The following STEAP4 variants were observed in gnomAD, a reference collection of about 807,000 sequenced individuals.
STEAP4 encodes the protein metalloreductase STEAP4.
In STEAP4, 36 loss-of-function variants were observed where a neutral mutation model predicts 43.6. That is an observed-to-expected ratio of 0.83 (90% CI 0.63 to 1.09). STEAP4 has a LOEUF of 1.09. Ranked by LOEUF, STEAP4 falls within the 50% of genes least tolerant of loss-of-function variation. The pLI, the probability that STEAP4 is intolerant of heterozygous loss-of-function variation, is 0.00. For missense variants in STEAP4, 495 were observed against 546.5 expected, an observed-to-expected ratio of 0.91 and a Z score of 0.94; for synonymous variants, 191 against 196.7, an observed-to-expected ratio of 0.97 and a Z score of 0.24.
In STEAP4 at chr7:88,282,821, T is replaced by A; in HGVS notation, c.804A>T (p.Leu268=). ...GGTATTTTGTGCCTCGGTACAGTTGTAGAATGGCAGCAATAACACCAGGGA... is the reference window on the plus strand; with the variant it reads ...GGTATTTTGTGCCTCGGTACAGTTGAAGAATGGCAGCAATAACACCAGGGA... ...VYLPGVIAAI[L]QLYRGTKYRR... is the part of the protein sequence containing the mutation. Residue 268 remains leucine, a synonymous_variant, in exon 3 of 5, where the codon CTA becomes CTT. Transcript: ENST00000380079. The A allele has an allele frequency of 1.2e-6, 2 of 1,614,096 alleles. No individual in the cohort carries two copies. Among genetic ancestry groups the A allele is most frequent in the Non-Finnish European group, 1.7e-6 (2 of 1,180,012 alleles).
intron 3 of STEAP4, 135 bp downstream of exon 3, chr7:88,282,506 T>C (rs1429455525): frequency 2.2e-6 from 2 of 901,730 alleles, no homozygotes; most frequent in South Asian, 1.8e-5. Context: ...AAAACTGACA[T>C]GACATTTCTA....
At chr7:88,297,407 G>C (rs1307930510) in intron 1 of STEAP4, among the ~76,000 whole-genome samples, 1 of 152,168 alleles carries the variant, frequency 6.6e-6, no homozygotes, top group Non-Finnish European at 1.5e-5. Context: ...AGGAGACAGA[G>C]AGGGAGACTA....
chr7:88,274,309 G>C lies in STEAP4; in HGVS notation c.*5089C>G, dbSNP rs933273784. Reference sequence around the variant, plus strand: ...CACTCTGCTGTAAGTATCATTAAAAGCCTTCCAAAATTCCCTTACAGCAGA... The same window carrying C: ...CACTCTGCTGTAAGTATCATTAAAACCCTTCCAAAATTCCCTTACAGCAGA... On this transcript the variant is annotated 3_prime_UTR_variant, in exon 5 of 5. Transcript: ENST00000380079. 6.6e-6 allele frequency: 1 copy of C among 152,234 alleles called. No individual in the cohort carries two copies. Among genetic ancestry groups the C allele is most frequent in the South Asian group, 2.1e-4 (1 of 4,836 alleles). 9.4% of individuals were successfully genotyped at this position (152,234 alleles called of 1,614,324 possible). A position where few individuals can be genotyped will look rare whatever the true frequency, so the allele number is the denominator to read the frequency against.
intron 1 of STEAP4, among the ~76,000 whole-genome samples, chr7:88,297,157 A>T (rs986996725): frequency 5.9e-5 from 9 of 152,204 alleles, no homozygotes; most frequent in African/African-American, 1.4e-4. Flanking sequence ...TGTGTACCAC[A>T]TGCTATTCTA....
chr7:88,284,309 A>C, intron 1 of STEAP4, 38 bp from the exon 2 acceptor site: 2 of 1,386,366 alleles, frequency 1.4e-6, no homozygotes, highest in Non-Finnish European at 2.0e-6. Flanking sequence ...CAAAATATAA[A>C]TGCTCTGTGC....
chr7:88,298,687 T>C (rs967092364), intron 1 of STEAP4, among the ~76,000 whole-genome samples: 1 of 152,174 alleles, frequency 6.6e-6, no homozygotes, highest in African/African-American at 2.4e-5. Context: ...GCATGATAAA[T>C]CATCAACTTG....
chr7:88,291,774 G>C (rs1334368104), intron 1 of STEAP4, among the ~76,000 whole-genome samples: 5 of 152,168 alleles, frequency 3.3e-5, no homozygotes, highest in African/African-American at 1.2e-4. Context: ...GAGTTATTAA[G>C]GGAAACGTGG....
At chr7:88,279,692 A>G in intron 4 of STEAP4, 64 bp from the exon 5 acceptor site, 1 of 1,308,446 alleles carries the variant, frequency 7.6e-7, no homozygotes, top group Non-Finnish European at 1.1e-6. Context: ...AAACACTCTA[A>G]GCCAGTGACA....
At position 88,271,917 on chromosome 7, in the gene STEAP4, T is replaced by G. The variant is rs1852442762; in HGVS notation, c.*7481A>C. 6.6e-6 allele frequency: 1 copy of G among 152,250 alleles called. No individual in the cohort carries two copies. The highest frequency in any genetic ancestry group is 6.5e-5 in the Admixed American group (1 of 15,284). The allele number at this position is 152,250 out of a possible 1,614,324, so 9.4% of individuals were successfully genotyped here. A position where few individuals can be genotyped will look rare whatever the true frequency, so the allele number is the denominator to read the frequency against. On this transcript the variant is annotated 3_prime_UTR_variant, in exon 5 of 5. Coordinates refer to ENST00000380079, the MANE Select transcript of STEAP4 (RefSeq NM_024636.4). Reference sequence around the variant, plus strand: ...GTTACAATTTTCATGCGTCTCATTATGAATGAAGTAGAATATATTTTCATA... The same window carrying G: ...GTTACAATTTTCATGCGTCTCATTAGGAATGAAGTAGAATATATTTTCATA...
chr7:88,286,391 C>T (rs1563498973), intron 1 of STEAP4, among the ~76,000 whole-genome samples: 1 of 152,008 alleles, frequency 6.6e-6, no homozygotes, highest in East Asian at 1.9e-4. Context: ...GATTTTAATA[C>T]ATTAAATAAG....
chr7:88,306,167 C>CCT (rs367577865), intron 1 of STEAP4, among the ~76,000 whole-genome samples: 32 of 152,324 alleles, frequency 2.1e-4, no homozygotes, highest in African/African-American at 7.5e-4. Flanking sequence ...CCGTACCCAG[C>CCT]CTCAGTACAC....
At chr7:88,280,891 T>C (rs1852606506) in intron 4 of STEAP4, 24 bp downstream of exon 4, 1 of 1,523,488 alleles carries the variant, frequency 6.6e-7, no homozygotes, top group South Asian at 1.3e-5. Flanking sequence ...AATGAAAAGT[T>C]AGGAATGAAC....
rs1258828544 is a variant in STEAP4, at chr7:88,297,111, A to G, written c.-3+9681T>C. Among the ~76,000 whole-genome samples, 5 of 152,202 alleles carry G rather than the reference A, an allele frequency of 3.3e-5. No homozygotes were observed. In the East Asian group the frequency reaches 9.6e-4, roughly 29 times the overall value. On this transcript the variant is annotated intron_variant, in intron 1 of 4. Coordinates refer to ENST00000380079, the MANE Select transcript of STEAP4 (RefSeq NM_024636.4). ...ATTCTTTCTTTTAATATACACATTA[A>G]CACCTTCCTTCATCAGATATTTATT... is the stretch of plus-strand genomic sequence containing the variant.
chr7:88,301,291 T>G (rs538201579), intron 1 of STEAP4, among the ~76,000 whole-genome samples: 2 of 152,332 alleles, frequency 1.3e-5, no homozygotes, highest in Admixed American at 1.3e-4. Context: ...CATATCATTC[T>G]TAGACAGGGT....
intron 1 of STEAP4, chr7:88,304,192 G>C (rs911865170): frequency 3.9e-5 from 6 of 152,188 alleles, no homozygotes; most frequent in South Asian, 2.1e-4. Context: ...TTGTGGGATG[G>C]GGGGAGTGGG....
chr7:88,305,814 A>G (rs893094059), intron 1 of STEAP4, among the ~76,000 whole-genome samples: 2 of 152,206 alleles, frequency 1.3e-5, no homozygotes, highest in East Asian at 3.8e-4. Context: ...CATCTGGCCC[A>G]GTAGCCAGCC....
At position 88,274,328 on chromosome 7, in the gene STEAP4, C is replaced by A. The variant is rs1446522324; in HGVS notation, c.*5070G>T. On this transcript the variant is annotated 3_prime_UTR_variant, in exon 5 of 5. Transcript: ENST00000380079. Reference sequence around the variant, plus strand: ...TTAAAAGCCTTCCAAAATTCCCTTACAGCAGAAAGCAAGTAGTACTGGATC... The same window carrying A: ...TTAAAAGCCTTCCAAAATTCCCTTAAAGCAGAAAGCAAGTAGTACTGGATC... 6.6e-6 allele frequency: 1 copy of A among 152,248 alleles called. No individual in the cohort carries two copies. Among genetic ancestry groups the A allele is most frequent in the Non-Finnish European group, 1.5e-5 (1 of 68,034 alleles). 9.4% of individuals were successfully genotyped at this position (152,248 alleles called of 1,614,324 possible).
Position 88,279,323 on chromosome 7 carries a change from A to G in STEAP4, c.*75T>C. The G allele has an allele frequency of 7.0e-7, 1 of 1,428,858 alleles. No individual in the cohort carries two copies. Among genetic ancestry groups the G allele is most frequent in the African/African-American group, 1.4e-5 (1 of 71,308 alleles). The allele number at this position is 1,428,858 out of a possible 1,614,324, so 88.5% of individuals were successfully genotyped here. Reference sequence around the variant, plus strand: ...CTGTACCCATCATTCTTCTTTAAACATTCAAAACCATAGTTCAGAAATCCA... The same window carrying G: ...CTGTACCCATCATTCTTCTTTAAACGTTCAAAACCATAGTTCAGAAATCCA... On this transcript the variant is annotated 3_prime_UTR_variant, in exon 5 of 5. Transcript: ENST00000380079.
At position 88,289,195 on chromosome 7, in the gene STEAP4, G is replaced by A. The variant is rs191686968; in HGVS notation, c.-2-4924C>T. Among the ~76,000 whole-genome samples, 865 of 152,148 alleles carry A rather than the reference G, an allele frequency of 5.7e-3. 8 individuals carry two copies. The highest frequency in any genetic ancestry group is 0.02 in the African/African-American group (835 of 41,506). ...AAATATTCGTTGAACTATATTAAAA[G>A]GGTGGGATGAAGGGGCTGGAAGTAC... On this transcript the variant is annotated intron_variant, in intron 1 of 4. Coordinates refer to ENST00000380079, the MANE Select transcript of STEAP4 (RefSeq NM_024636.4).
Sources: gnomAD v4.1 joint callset for allele counts (sites outside exome capture counted in the v4.1 genomes callset) on GRCh38, gnomAD v4.1.1 for gene constraint, MANE v1.5 for transcripts, NCBI Gene and HGNC (gene_info 2026-07-23, HGNC 2026-07-21) for gene names.